RBM41: variants seen among roughly 807,000 people sequenced by gnomAD.
RBM41 encodes the protein RNA-binding protein 41.
In RBM41, 14 loss-of-function variants were observed where a neutral mutation model predicts 30.8. That is an observed-to-expected ratio of 0.45 (90% CI 0.30 to 0.71). RBM41 has a LOEUF of 0.71. RBM41 is among the 30% of genes least tolerant of loss of function. RBM41 has a pLI of 0.08. For synonymous variants in RBM41, 120 were observed against 110.1 expected (o/e 1.09, Z -0.56); for missense variants, 276 against 326.3 (o/e 0.85, Z 1.19).
At chrX:107,071,919 A>G in intron 6 of RBM41, among the ~76,000 whole-genome samples, 1 of 112,110 alleles carries the variant, frequency 8.9e-6, no homozygotes, top group East Asian at 2.8e-4. Context: ...AAACAGAAAT[A>G]AAATGCATCC....
intron 1 of RBM41, among the ~76,000 whole-genome samples, chrX:107,117,551 A>G (rs1373097116): frequency 2.7e-5 from 3 of 111,760 alleles, no homozygotes; most frequent in Non-Finnish European, 5.6e-5. Flanking sequence ...AATGGTACCA[A>G]TGAAGGAAAG....
chrX:107,082,774 T>G (rs1921651212), intron 6 of RBM41, among the ~76,000 whole-genome samples: 1 of 111,152 alleles, frequency 9.0e-6, no homozygotes, highest in Non-Finnish European at 1.9e-5. Context: ...TACCACTTTA[T>G]GGATAGTGCA....
chrX:107,118,324 T>C (rs1283337945), intron 1 of RBM41, among the ~76,000 whole-genome samples: 1 of 109,567 alleles, frequency 9.1e-6, no homozygotes, highest in Non-Finnish European at 1.9e-5. Flanking sequence ...CCCAAGCAAG[T>C]AGTCTTTAAC....
chrX:107,059,782 A>G (rs1002690292), downstream of RBM41, among the ~76,000 whole-genome samples: 1 of 111,768 alleles, frequency 8.9e-6, no homozygotes, highest in African/African-American at 3.2e-5. Context: ...CAAAGGTTAT[A>G]CTTACTTATA....
intron 6 of RBM41, among the ~76,000 whole-genome samples, chrX:107,078,587 A>C (rs750010123): frequency 9.0e-6 from 1 of 110,877 alleles, no homozygotes; most frequent in East Asian, 2.8e-4. Context: ...AAACAACATA[A>C]AATCATGTCA....
chrX:107,078,719 C>A (rs1174123281), intron 6 of RBM41, among the ~76,000 whole-genome samples: 1 of 109,944 alleles, frequency 9.1e-6, no homozygotes, highest in Non-Finnish European at 1.9e-5. Context: ...TTTGAAATAT[C>A]CCCAATGTCA....
intron 6 of RBM41, among the ~76,000 whole-genome samples, chrX:107,073,142 C>T (rs1315494697): frequency 1.8e-5 from 2 of 111,460 alleles, no homozygotes; most frequent in East Asian, 2.8e-4. Context: ...AATAAACAAA[C>T]GGGATTATAT....
At chrX:107,068,213 C>T (rs1395239089) in intron 7 of RBM41, among the ~76,000 whole-genome samples, 1 of 110,411 alleles carries the variant, frequency 9.1e-6, no homozygotes, top group Non-Finnish European at 1.9e-5. Flanking sequence ...TACTACATGC[C>T]AGGAGTATTC....
intron 5 of RBM41, among the ~76,000 whole-genome samples, chrX:107,093,685 C>A (rs1922743026): frequency 9.0e-6 from 1 of 110,683 alleles, no homozygotes; most frequent in Non-Finnish European, 1.9e-5. Context: ...AGTTAGGAAA[C>A]TAGAAAAAGA....
intron 6 of RBM41, among the ~76,000 whole-genome samples, chrX:107,072,899 G>A (rs1016201279): frequency 9.0e-6 from 1 of 110,820 alleles, no homozygotes; most frequent in African/African-American, 3.3e-5. Flanking sequence ...GGAAAAGACA[G>A]TCTCGTCAAT....
At position 107,097,895 on chromosome X, in the gene RBM41, G is replaced by A. The variant is rs183143396; in HGVS notation, c.596-9056C>T. ...ATGGAAACAAAGGCTTGGGGTGTAT[G>A]TGGGAGTCATTTACTGCCAATGAGC... is the stretch of plus-strand genomic sequence containing the variant. On this transcript the variant is annotated intron_variant, in intron 5 of 7. Transcript: ENST00000685964. Among the ~76,000 whole-genome samples, 29 of 111,415 alleles carry A rather than the reference G, an allele frequency of 2.6e-4. No individual in the cohort carries two copies. The East Asian group carries it at 8.2e-3, about 32-fold the overall frequency.
In RBM41 at chrX:107,066,918, T is replaced by C. The variant is rs2147863626; in HGVS notation, c.*609A>G. Reference sequence around the variant, plus strand: ...AAATGGCTGTGAGAACACCAACATTTTGATCTAAAATATTTCACTAGAAAA... The same window carrying C: ...AAATGGCTGTGAGAACACCAACATTCTGATCTAAAATATTTCACTAGAAAA... On this transcript the variant is annotated 3_prime_UTR_variant, in exon 8 of 8. Coordinates refer to ENST00000685964, the MANE Select transcript of RBM41 (RefSeq NM_001324242.2). 2.7e-6 allele frequency: 2 copies of C among 743,823 alleles called. No homozygotes were observed. Among genetic ancestry groups the C allele is most frequent in the African/African-American group, 4.6e-5 (2 of 43,068 alleles). The allele number at this position is 743,823 out of a possible 1,213,427, so 61.3% of individuals were successfully genotyped here. A position where few individuals can be genotyped will look rare whatever the true frequency, so the allele number is the denominator to read the frequency against.
At chrX:107,105,321 G>A (rs1923864054) in intron 5 of RBM41, among the ~76,000 whole-genome samples, 1 of 106,627 alleles carries the variant, frequency 9.4e-6, no homozygotes, top group South Asian at 4.4e-4. Flanking sequence ...GGGATGTGAA[G>A]GACCTCTTCA....
intron 5 of RBM41, among the ~76,000 whole-genome samples, chrX:107,111,755 T>C (rs367669980): frequency 2.7e-5 from 3 of 111,766 alleles, no homozygotes; most frequent in Non-Finnish European, 1.9e-5. Flanking sequence ...CTTGAAGATA[T>C]TATGCTAACT....
intron 5 of RBM41, among the ~76,000 whole-genome samples, chrX:107,107,714 G>T (rs1010547117): frequency 2.7e-5 from 3 of 111,396 alleles, no homozygotes; most frequent in Non-Finnish European, 5.7e-5. Context: ...GTCAAGATGG[G>T]TGGTTAAATA....
At chrX:107,075,250 A>G (rs1004569107) in intron 6 of RBM41, among the ~76,000 whole-genome samples, 5 of 112,283 alleles carry the variant, frequency 4.5e-5, no homozygotes, top group Non-Finnish European at 9.4e-5. Flanking sequence ...CATACACACA[A>G]GTCAATTCAA....
At chrX:107,105,216 T>C (rs1470583829) in intron 5 of RBM41, among the ~76,000 whole-genome samples, 2 of 110,793 alleles carry the variant, frequency 1.8e-5, no homozygotes, top group East Asian at 2.8e-4. Context: ...CATTCTTATA[T>C]ACCAATAACA....
chrX:107,116,279 G>A, intron 2 of RBM41: 3 of 925,358 alleles, frequency 3.2e-6, no homozygotes, highest in East Asian at 4.0e-5. Context: ...TACTTACTAT[G>A]CATCAGATAC....
intron 5 of RBM41, among the ~76,000 whole-genome samples, chrX:107,090,754 T>A (rs185517645): frequency 2.8e-4 from 31 of 111,850 alleles, no homozygotes; most frequent in African/African-American, 5.2e-4. Context: ...ACATTTTTTT[T>A]AAAATGATCC....
Sources: allele counts gnomAD v4.1 joint callset (sites outside exome capture counted in the v4.1 genomes callset), GRCh38; gene constraint gnomAD v4.1.1; transcripts MANE v1.5; gene names NCBI Gene and HGNC (gene_info 2026-07-23, HGNC 2026-07-21).